SAMSN1: variants seen among roughly 807,000 people sequenced by gnomAD.
SAMSN1 encodes the protein SAM domain-containing protein SAMSN-1.
Under a neutral mutation model 42.0 loss-of-function variants are expected in SAMSN1, and 31 were observed. That is an observed-to-expected ratio of 0.74 (90% CI 0.55 to 1.00). The LOEUF is 1.00. SAMSN1 is among the 50% of genes least tolerant of loss of function. The pLI, the probability that SAMSN1 is intolerant of heterozygous loss-of-function variation, is 0.00. For missense variants in SAMSN1, 464 were observed against 439.4 expected (o/e 1.06, Z -0.50); for synonymous variants, 178 against 151.9 (o/e 1.17, Z -1.26).
chr21:14,578,680 CAAAAAAAAAAA>C (rs769354531), intron 2 of SAMSN1, among the ~76,000 whole-genome samples: 21 of 63,726 alleles, frequency 3.3e-4, no homozygotes, highest in African/African-American at 1.2e-3. Context: ...GAGAATCCAT[CAAAAAAAAAAA>C]AAAAAAAAAA....
upstream of SAMSN1, among the ~76,000 whole-genome samples, chr21:14,659,160 G>A (rs1350032269): frequency 1.3e-5 from 2 of 151,560 alleles, no homozygotes; most frequent in Non-Finnish European, 2.9e-5. Flanking sequence ...GTAGGTCAAG[G>A]GTCCATCTCA....
chr21:14,499,051 T>C (rs1987026382), intron 6 of SAMSN1, among the ~76,000 whole-genome samples: 1 of 152,154 alleles, frequency 6.6e-6, no homozygotes, highest in South Asian at 2.1e-4. Flanking sequence ...ATTCTTGGGG[T>C]AGGTTAAAAA....
intron 2 of SAMSN1, among the ~76,000 whole-genome samples, chr21:14,621,342 A>G (rs752254887): frequency 8.5e-5 from 13 of 152,164 alleles, no homozygotes; most frequent in Non-Finnish European, 1.5e-4. Flanking sequence ...GAAGCAGGAC[A>G]AGGCATCGCC....
chr21:14,541,561 G>A lies in SAMSN1; in HGVS notation c.57+4644C>T, dbSNP rs935550256. On this transcript the variant is annotated intron_variant, in intron 1 of 7. Transcript: ENST00000400566. ...GTTTTTAGCTCATAAATTATACTTCGTGTTAATGTATTTTATATGTGGTCC... is the reference window on the plus strand; with the variant it reads ...GTTTTTAGCTCATAAATTATACTTCATGTTAATGTATTTTATATGTGGTCC... Among the ~76,000 whole-genome samples, 9 of 151,998 alleles carry A rather than the reference G, an allele frequency of 5.9e-5. 1 individual carries two copies. Among genetic ancestry groups the A allele is most frequent in the East Asian group, 3.9e-4 (2 of 5,192 alleles).
In SAMSN1 at chr21:14,612,128, G is replaced by T. The variant is rs530566925; in HGVS notation, c.235+748C>A. Among the ~76,000 whole-genome samples the T allele has an allele frequency of 3.9e-5, 6 of 152,274 alleles. No individual in the cohort carries two copies. In the East Asian group the frequency reaches 1.2e-3, roughly 29 times the overall value. ...CGCGCCTGTAGTCCCAGCTACTCTG[G>T]GGGCTGAGGCAGGGGAATTGCTTGA... On this transcript the variant is annotated intron_variant, in intron 4 of 15. Transcript: ENST00000647101.
intron 2 of SAMSN1, among the ~76,000 whole-genome samples, chr21:14,638,970 T>C (rs1983531641): frequency 6.6e-6 from 1 of 152,236 alleles, no homozygotes; most frequent in South Asian, 2.1e-4. Flanking sequence ...ATCCATTTAT[T>C]TAGCTGACAA....
At chr21:14,518,796 T>C (rs1018540682) in intron 2 of SAMSN1, among the ~76,000 whole-genome samples, 3 of 152,204 alleles carry the variant, frequency 2.0e-5, no homozygotes, top group African/African-American at 7.2e-5. Flanking sequence ...AAAGATTCTT[T>C]GCTTAATTCA....
At chr21:14,568,524 A>T (rs2034835554) in intron 2 of SAMSN1, among the ~76,000 whole-genome samples, 1 of 152,204 alleles carries the variant, frequency 6.6e-6, no homozygotes, top group Admixed American at 6.5e-5. Context: ...TGATGGCTTA[A>T]TATAATCCAC....
At chr21:14,602,796 A>G (rs1000004130) in intron 5 of SAMSN1, among the ~76,000 whole-genome samples, 1 of 152,102 alleles carries the variant, frequency 6.6e-6, no homozygotes, top group Non-Finnish European at 1.5e-5. Context: ...GTTTCCTTTC[A>G]CTTTCACTCC....
intron 1 of SAMSN1, among the ~76,000 whole-genome samples, chr21:14,648,359 G>A (rs1600983753): frequency 1.3e-5 from 2 of 152,100 alleles, no homozygotes; most frequent in South Asian, 2.1e-4. Context: ...ATAGGCATGG[G>A]CAAGGACTTC....
chr21:14,572,532 A>G (rs1981332955), intron 2 of SAMSN1, among the ~76,000 whole-genome samples: 1 of 152,210 alleles, frequency 6.6e-6, no homozygotes, highest in Non-Finnish European at 1.5e-5. Flanking sequence ...TATGTTCAGC[A>G]TCAGCTCTGC....
At chr21:14,606,136 G>T (rs974548333) in intron 5 of SAMSN1, among the ~76,000 whole-genome samples, 1 of 152,056 alleles carries the variant, frequency 6.6e-6, no homozygotes, top group Non-Finnish European at 1.5e-5. Flanking sequence ...CACTGCGCCC[G>T]GTCAAGAAGA....
chr21:14,545,536 CTTT>C (rs35984512), intron 1 of SAMSN1, among the ~76,000 whole-genome samples: 2 of 137,218 alleles, frequency 1.5e-5, no homozygotes, highest in African/African-American at 5.8e-5. Context: ...CCATGTTATA[CTTT>C]TTTTTTTTAA....
chr21:14,563,101 C>A (rs1215356920), intron 2 of SAMSN1, among the ~76,000 whole-genome samples: 1 of 152,076 alleles, frequency 6.6e-6, no homozygotes, highest in Non-Finnish European at 1.5e-5. Context: ...CTGAAATGAC[C>A]AGATTCACTA....
At chr21:14,620,911 A>G (rs1457756517) in intron 2 of SAMSN1, among the ~76,000 whole-genome samples, 2 of 152,238 alleles carry the variant, frequency 1.3e-5, no homozygotes, top group African/African-American at 4.8e-5. Flanking sequence ...AAGCTAATTC[A>G]ATTTCTATTT....
rs1175310933 is a variant in SAMSN1 at position 14,627,797 on chromosome 21, C to T, written c.157-11781G>A. On this transcript the variant is annotated intron_variant, in intron 2 of 15. Coordinates refer to the SAMSN1 transcript ENST00000647101. ...AAGTAAAATGATGCTGCGAGCTTCT[C>T]AGGGCATAATTAATAGAAAGCTATT... Among the ~76,000 whole-genome samples, 3 of 152,166 alleles carry T rather than the reference C, an allele frequency of 2.0e-5. No homozygotes were observed. In the East Asian group the frequency reaches 5.8e-4, roughly 29 times the overall value.
chr21:14,512,862 G>T (rs1987749027), intron 3 of SAMSN1, among the ~76,000 whole-genome samples: 1 of 152,018 alleles, frequency 6.6e-6, no homozygotes, highest in South Asian at 2.1e-4. Flanking sequence ...TTAATCAAAA[G>T]TGTTAGATTT....
intron 2 of SAMSN1, among the ~76,000 whole-genome samples, chr21:14,637,604 T>A (rs1456586060): frequency 6.6e-6 from 1 of 152,186 alleles, no homozygotes; most frequent in African/African-American, 2.4e-5. Flanking sequence ...TGAGAATGAC[T>A]GCCAGAAGTT....
intron 6 of SAMSN1, 81 bp downstream of exon 6, chr21:14,500,448 T>A: frequency 1.7e-6 from 2 of 1,166,702 alleles, no homozygotes; most frequent in South Asian, 1.3e-5. Context: ...TTTTAAGCAA[T>A]GCAACACAAA....
Sources: gnomAD v4.1 joint callset for allele counts (sites outside exome capture counted in the v4.1 genomes callset) on GRCh38, gnomAD v4.1.1 for gene constraint, MANE v1.5 for transcripts, NCBI Gene and HGNC (gene_info 2026-07-23, HGNC 2026-07-21) for gene names.